The following CAMTA1 variants were observed in gnomAD, a reference collection of about 807,000 sequenced individuals.
CAMTA1 encodes calmodulin binding transcription activator 1, also known as calmodulin-binding transcription activator 1.
Under a neutral mutation model 170.9 loss-of-function variants are expected in CAMTA1, and 27 were observed. The ratio of observed to expected loss-of-function variants is 0.16; its 90% CI spans 0.12 to 0.22. The LOEUF (loss-of-function observed/expected upper bound fraction) is 0.22. Among genes scored for constraint, CAMTA1 ranks in the 10% least tolerant of loss-of-function variants. The pLI is 1.00. For missense variants in CAMTA1, 1,619 were observed against 2,217.2 expected, an observed-to-expected ratio of 0.73 and a Z score of 5.42; for synonymous variants, 833 against 891.5, an observed-to-expected ratio of 0.93 and a Z score of 1.17.
At chr1:7,108,632 A>G (rs1643839186) in intron 4 of CAMTA1, among the ~76,000 whole-genome samples, 1 of 152,210 alleles carries the variant, frequency 6.6e-6, no homozygotes, top group African/African-American at 2.4e-5. Flanking sequence ...AGAGCATTTT[A>G]AATAGGAGAT....
intron 11 of CAMTA1, among the ~76,000 whole-genome samples, chr1:7,713,251 T>G (rs1184160237): frequency 1.3e-5 from 2 of 152,276 alleles, no homozygotes; most frequent in East Asian, 3.9e-4. Context: ...CCACGTAATT[T>G]TATTGGAGTC....
intron 6 of CAMTA1, among the ~76,000 whole-genome samples, chr1:7,498,999 A>AGTGT (rs764358608): frequency 1.5e-5 from 1 of 65,376 alleles, no homozygotes; most frequent in South Asian, 5.9e-4. Flanking sequence ...TATGTATATG[A>AGTGT]GTGTGTGTGC....
intron 3 of CAMTA1, among the ~76,000 whole-genome samples, chr1:7,070,109 G>A (rs537841062): frequency 8.3e-4 from 127 of 152,318 alleles, no homozygotes; most frequent in South Asian, 3.5e-3. Flanking sequence ...TTTTCTGAGA[G>A]GCGGGGCCCG....
At chr1:7,625,413 C>G (rs76090389) in intron 6 of CAMTA1, among the ~76,000 whole-genome samples, 22 of 152,332 alleles carry the variant, frequency 1.4e-4, no homozygotes, top group Admixed American at 2.6e-4. Flanking sequence ...CTGATTCTGC[C>G]CCCATCGGGC....
chr1:7,695,296 G>A (rs886633245), intron 11 of CAMTA1, among the ~76,000 whole-genome samples: 2 of 152,174 alleles, frequency 1.3e-5, no homozygotes, highest in African/African-American at 2.4e-5. Context: ...AGGCAAGAGC[G>A]AGCTCTGAGC....
intron 11 of CAMTA1, among the ~76,000 whole-genome samples, chr1:7,690,267 T>C (rs373611135): frequency 1.8e-4 from 28 of 152,252 alleles, no homozygotes; most frequent in African/African-American, 6.0e-4. Context: ...CCCCGCGGAG[T>C]GAGCTGACAC....
At position 7,368,735 on chromosome 1, in the gene CAMTA1, C is replaced by T. The variant is rs1044281932; in HGVS notation, c.439-99095C>T. Among the ~76,000 whole-genome samples the T allele has an allele frequency of 2.0e-5, 3 of 152,312 alleles. No homozygotes were observed. In the South Asian group the frequency reaches 6.2e-4, roughly 32 times the overall value. ...ACGCTGCTGCAGCTTCAGCACCCACCGTGGTACCTGGCTCGCTGTGGTGTT... is the reference window on the plus strand; with the variant it reads ...ACGCTGCTGCAGCTTCAGCACCCACTGTGGTACCTGGCTCGCTGTGGTGTT... On this transcript the variant is annotated intron_variant, in intron 5 of 22. Transcript: ENST00000303635.
intron 6 of CAMTA1, among the ~76,000 whole-genome samples, chr1:7,595,274 G>C (rs879297908): frequency 2.6e-5 from 4 of 152,230 alleles, no homozygotes; most frequent in Non-Finnish European, 4.4e-5. Context: ...GGCAAACTCA[G>C]AGCCAACAAA....
rs76840329 is a variant in CAMTA1 at position 7,242,278 on chromosome 1, T to C, written c.303-7213T>C. 8.7e-3 allele frequency among the ~76,000 whole-genome samples: 1,326 copies of C among 152,286 alleles called. 23 individuals carry two copies. Among genetic ancestry groups the C allele is most frequent in the African/African-American group, 0.03 (1,229 of 41,558 alleles). On this transcript the variant is annotated intron_variant, in intron 4 of 22. Transcript: ENST00000303635. ...TGCCTATAATCCAAAAGACAGATAATGTCAAACGCTGGGGAGGATGTGGAG... is the reference window on the plus strand; with the variant it reads ...TGCCTATAATCCAAAAGACAGATAACGTCAAACGCTGGGGAGGATGTGGAG...
chr1:7,524,619 G>A (rs1287335982), intron 6 of CAMTA1, among the ~76,000 whole-genome samples: 1 of 152,146 alleles, frequency 6.6e-6, no homozygotes, highest in Non-Finnish European at 1.5e-5. Flanking sequence ...TTTTGTAGAT[G>A]CTTTTTATCA....
At chr1:7,053,327 A>G (rs1706746075) in intron 3 of CAMTA1, among the ~76,000 whole-genome samples, 1 of 152,112 alleles carries the variant, frequency 6.6e-6, no homozygotes, top group African/African-American at 2.4e-5. Flanking sequence ...GCAGAGCTTC[A>G]TCGAAGCTCT....
At chr1:7,072,158 C>A (rs1400585029) in intron 3 of CAMTA1, among the ~76,000 whole-genome samples, 1 of 152,206 alleles carries the variant, frequency 6.6e-6, no homozygotes, top group Admixed American at 6.5e-5. Context: ...ACTGTCATGG[C>A]AATATGTCCT....
chr1:7,598,036 T>A (rs1280318882), intron 6 of CAMTA1, among the ~76,000 whole-genome samples: 1 of 151,866 alleles, frequency 6.6e-6, no homozygotes, highest in Non-Finnish European at 1.5e-5. Flanking sequence ...CTGCACCCAT[T>A]AACTCTTCAT....
At chr1:7,078,492 T>C (rs1463677388) in intron 3 of CAMTA1, among the ~76,000 whole-genome samples, 3 of 152,214 alleles carry the variant, frequency 2.0e-5, no homozygotes, top group African/African-American at 7.2e-5. Flanking sequence ...CGATAGCCTG[T>C]CTCTGAGACA....
At chr1:7,140,662 A>G (rs939605447) in intron 4 of CAMTA1, among the ~76,000 whole-genome samples, 1 of 152,226 alleles carries the variant, frequency 6.6e-6, no homozygotes, top group African/African-American at 2.4e-5. Context: ...TTAAAAGAAA[A>G]AAAAAGCTAT....
At chr1:7,394,872 C>CTT (rs71582098) in intron 5 of CAMTA1, among the ~76,000 whole-genome samples, 6 of 82,712 alleles carry the variant, frequency 7.3e-5, no homozygotes, top group Admixed American at 4.5e-4. Flanking sequence ...TGTGGTGTTT[C>CTT]TTTTTTTTTC....
chr1:7,628,943 C>T (rs1011434821), intron 6 of CAMTA1, among the ~76,000 whole-genome samples: 4 of 152,230 alleles, frequency 2.6e-5, no homozygotes, highest in African/African-American at 9.6e-5. Context: ...GATTGCCCAG[C>T]ATCTGTGCTG....
At chr1:7,341,788 T>C (rs1026530066) in intron 5 of CAMTA1, among the ~76,000 whole-genome samples, 1 of 152,214 alleles carries the variant, frequency 6.6e-6, no homozygotes, top group African/African-American at 2.4e-5. Context: ...CTCAAAATCG[T>C]GACTGTCTTA....
intron 6 of CAMTA1, among the ~76,000 whole-genome samples, chr1:7,593,828 G>T (rs2095373001): frequency 6.7e-6 from 1 of 149,626 alleles, no homozygotes; most frequent in Non-Finnish European, 1.5e-5. Flanking sequence ...GATCACCTGT[G>T]GTCAGGAGTT....
Sources: gnomAD v4.1 joint callset for allele counts (sites outside exome capture counted in the v4.1 genomes callset) on GRCh38, gnomAD v4.1.1 for gene constraint, MANE v1.5 for transcripts, NCBI Gene and HGNC (gene_info 2026-07-23, HGNC 2026-07-21) for gene names.